DIAPH3: variants seen among roughly 807,000 people sequenced by gnomAD.
The protein encoded by DIAPH3 is diaphanous related formin 3, also known as protein diaphanous homolog 3.
A neutral mutation model predicts 144.3 loss-of-function variants in DIAPH3; 117 were observed. That is an observed-to-expected ratio of 0.81 (90% confidence interval 0.70 to 0.95). The LOEUF (loss-of-function observed/expected upper bound fraction) is 0.95, where lower values mean the gene tolerates loss of function less well. Ranked by LOEUF, DIAPH3 falls within the 40% of genes least tolerant of loss-of-function variation. The pLI is 0.00. For synonymous variants in DIAPH3, 519 were observed against 488.9 expected, an observed-to-expected ratio of 1.06 and a Z score of -0.81; for missense variants, 1,421 against 1,412.7, an observed-to-expected ratio of 1.01 and a Z score of -0.09.
intron 27 of DIAPH3, among the ~76,000 whole-genome samples, chr13:59,711,349 A>G (rs1187514018): frequency 2.0e-5 from 3 of 151,816 alleles, no homozygotes; most frequent in Non-Finnish European, 4.4e-5. Flanking sequence ...TTTTTTCCCT[A>G]TAATCTACTA....
At chr13:60,017,901 G>A (rs896584958) in intron 5 of DIAPH3, among the ~76,000 whole-genome samples, 1 of 152,168 alleles carries the variant, frequency 6.6e-6, no homozygotes, top group Non-Finnish European at 1.5e-5. Flanking sequence ...TTCACTATCA[G>A]CGACACACAG....
At chr13:59,998,959 T>G (rs2052367122) in intron 9 of DIAPH3, among the ~76,000 whole-genome samples, 1 of 152,016 alleles carries the variant, frequency 6.6e-6, no homozygotes, top group African/African-American at 2.4e-5. Flanking sequence ...AAATAGAAAA[T>G]TAATTAATAA....
chr13:59,760,049 A>G (rs1056118821), intron 27 of DIAPH3, among the ~76,000 whole-genome samples: 8 of 152,190 alleles, frequency 5.3e-5, no homozygotes, highest in Non-Finnish European at 1.0e-4. Flanking sequence ...GTGTAGAAAC[A>G]GGTCCTAGGC....
intron 15 of DIAPH3, among the ~76,000 whole-genome samples, 183 bp downstream of exon 15, chr13:59,974,169 G>A (rs990787910): frequency 6.6e-6 from 1 of 151,952 alleles, no homozygotes; most frequent in Non-Finnish European, 1.5e-5. Context: ...ATTAGTAAAA[G>A]CTTAGATATA....
intron 27 of DIAPH3, among the ~76,000 whole-genome samples, chr13:59,725,567 C>A (rs749780242): frequency 1.3e-4 from 20 of 152,196 alleles, no homozygotes; most frequent in Non-Finnish European, 2.6e-4. Context: ...GTCCAAGGCA[C>A]TTCTGAACTT....
intron 20 of DIAPH3, among the ~76,000 whole-genome samples, chr13:59,886,718 A>T (rs2045475941): frequency 6.6e-6 from 1 of 151,974 alleles, no homozygotes; most frequent in South Asian, 2.1e-4. Context: ...TTTTTTTATG[A>T]CATTGTAAAT....
At chr13:59,859,779 C>T (rs340210) in intron 22 of DIAPH3, among the ~76,000 whole-genome samples, 103,387 of 152,018 alleles carry the variant, frequency 0.68, 36,863 homozygotes, top group East Asian at 0.89. Context: ...CTGAGTGATT[C>T]TGAATGTTTA....
intron 4 of DIAPH3, among the ~76,000 whole-genome samples, chr13:60,053,663 C>T (rs369022850): frequency 4.1e-4 from 62 of 152,096 alleles, no homozygotes; most frequent in African/African-American, 1.4e-3. Flanking sequence ...CATTTCATCT[C>T]AGTTCAGGTG....
At chr13:60,137,083 ACTAATT>A (rs1331956271) in intron 1 of DIAPH3, among the ~76,000 whole-genome samples, 3 of 152,240 alleles carry the variant, frequency 2.0e-5, no homozygotes, top group African/African-American at 7.2e-5. Flanking sequence ...TTTCTCAAAT[ACTAATT>A]CTATTTTCTC....
chr13:59,762,523 G>A (rs1023689185), intron 27 of DIAPH3, among the ~76,000 whole-genome samples: 2 of 152,022 alleles, frequency 1.3e-5, no homozygotes, highest in South Asian at 4.1e-4. Flanking sequence ...CTATTATTAT[G>A]GCAAAGTAAA....
intron 17 of DIAPH3, among the ~76,000 whole-genome samples, chr13:59,942,916 G>C (rs2048606635): frequency 6.6e-6 from 1 of 152,030 alleles, no homozygotes; most frequent in Admixed American, 6.6e-5. Flanking sequence ...CCATAATTTG[G>C]CTACATATAA....
At chr13:60,105,012 C>T (rs1237960013) in intron 3 of DIAPH3, among the ~76,000 whole-genome samples, 6 of 142,626 alleles carry the variant, frequency 4.2e-5, no homozygotes, top group Non-Finnish European at 9.0e-5. Context: ...AGGAGAACGG[C>T]GTGAACCCAG....
chr13:59,879,737 G>C (rs933180325), intron 20 of DIAPH3, among the ~76,000 whole-genome samples: 1 of 152,012 alleles, frequency 6.6e-6, no homozygotes, highest in Non-Finnish European at 1.5e-5. Context: ...AATAAAGTAA[G>C]CATTTTTTAA....
chr13:59,666,633 T>C lies in DIAPH3; in HGVS notation c.3533A>G (p.Glu1178Gly). 1 of 1,614,148 alleles carries C rather than the reference T, an allele frequency of 6.2e-7. No homozygotes were observed. Among genetic ancestry groups the C allele is most frequent in the Non-Finnish European group, 8.5e-7 (1 of 1,179,988 alleles). ...CAGGGCTTCAACTTCGGGAACTGATTCATTTTTAGAAAAAGAGCCAAGAAG... is the reference window on the plus strand; with the variant it reads ...CAGGGCTTCAACTTCGGGAACTGATCCATTTTTAGAAAAAGAGCCAAGAAG... ...TELLGSFSKNESVPEVEALLA... is the reference protein window; with the variant it reads ...TELLGSFSKNGSVPEVEALLA... Residue 1178 changes from glutamate (E) to glycine (G), a missense_variant, in exon 28 of 28, where the codon GAA becomes GGA. Physicochemically the swap from Glu to Gly is moderately conservative, Grantham distance 98. Coordinates refer to ENST00000400324, the MANE Select transcript of DIAPH3 (RefSeq NM_001042517.2).
chr13:60,099,831 T>C (rs2137963114), intron 3 of DIAPH3, among the ~76,000 whole-genome samples: 1 of 151,614 alleles, frequency 6.6e-6, no homozygotes, highest in Non-Finnish European at 1.5e-5. Flanking sequence ...TTTCATTCAA[T>C]ACGTGGGAAC....
At chr13:59,672,792 T>C (rs1468427418) in intron 27 of DIAPH3, among the ~76,000 whole-genome samples, 3 of 152,212 alleles carry the variant, frequency 2.0e-5, no homozygotes, top group African/African-American at 7.2e-5. Context: ...AAGGTCATTT[T>C]GCATATAGTT....
At chr13:60,130,540 GC>G (rs760427992) in intron 2 of DIAPH3, among the ~76,000 whole-genome samples, 4 of 152,094 alleles carry the variant, frequency 2.6e-5, no homozygotes, top group Non-Finnish European at 5.9e-5. Context: ...CTTACCTTGT[GC>G]AAAAAAGGCA....
In DIAPH3 at chr13:59,973,425, A is replaced by AC. The variant is rs2050498669; in HGVS notation, c.1650+926_1650+927insG. On this transcript the variant is annotated intron_variant, in intron 15 of 27. Coordinates refer to ENST00000400324, the MANE Select transcript of DIAPH3 (RefSeq NM_001042517.2). Reference sequence around the variant, plus strand: ...AGAGACAAGGAACCATATGGGAAAGATAAAAAAAAAAATTCAATAAAATGT... The same window carrying AC: ...AGAGACAAGGAACCATATGGGAAAGACTAAAAAAAAAAATTCAATAAAATGT... 2.7e-5 allele frequency among the ~76,000 whole-genome samples: 4 copies of AC among 150,564 alleles called. No homozygotes were observed. The East Asian group carries it at 5.8e-4, about 22-fold the overall frequency.
chr13:59,781,927 G>A (rs535842069), intron 25 of DIAPH3, among the ~76,000 whole-genome samples: 3 of 152,224 alleles, frequency 2.0e-5, no homozygotes, highest in East Asian at 3.9e-4. Flanking sequence ...CACCACATGA[G>A]GACACAGCAG....
Sources: allele counts gnomAD v4.1 joint callset (sites outside exome capture counted in the v4.1 genomes callset), GRCh38; gene constraint gnomAD v4.1.1; transcripts MANE v1.5; gene names NCBI Gene and HGNC (gene_info 2026-07-23, HGNC 2026-07-21).